Variants in ZCCHC10 observed in about 807,000 individuals in gnomAD.
ZCCHC10 encodes zinc finger CCHC-type containing 10.
A neutral mutation model predicts 19.5 loss-of-function variants in ZCCHC10; 16 were observed. The ratio of observed to expected loss-of-function variants is 0.82; its 90% CI spans 0.56 to 1.25. The LOEUF (loss-of-function observed/expected upper bound fraction) is 1.25. Ranked by LOEUF, ZCCHC10 falls within the 50% of genes most tolerant of loss-of-function variation. The probability of loss-of-function intolerance (pLI) is 0.00; values close to 1 mark genes in which losing one functional copy is unlikely to be tolerated. For missense variants in ZCCHC10, 197 were observed against 201.0 expected (o/e 0.98, Z 0.12); for synonymous variants, 67 against 72.5 (o/e 0.92, Z 0.38).
chr5:133,008,181 C>A (rs538660032), intron 2 of ZCCHC10, among the ~76,000 whole-genome samples: 1 of 143,540 alleles, frequency 7.0e-6, no homozygotes, highest in African/African-American at 2.6e-5. Flanking sequence ...GCCGAGATTG[C>A]GCCACTGCAC....
At chr5:133,005,684 C>T (rs1031464896) in intron 3 of ZCCHC10, among the ~76,000 whole-genome samples, 1 of 151,940 alleles carries the variant, frequency 6.6e-6, no homozygotes, top group African/African-American at 2.4e-5. Flanking sequence ...GGTTTTTATA[C>T]GTGAGGACAA....
chr5:133,015,836 C>T (rs1446850597), intron 2 of ZCCHC10, among the ~76,000 whole-genome samples: 1 of 152,212 alleles, frequency 6.6e-6, no homozygotes, highest in Non-Finnish European at 1.5e-5. Context: ...TAATCTGTTA[C>T]ACAGCAATTG....
At chr5:133,010,046 G>C (rs1256532062) in intron 2 of ZCCHC10, among the ~76,000 whole-genome samples, 1 of 129,344 alleles carries the variant, frequency 7.7e-6, no homozygotes, top group African/African-American at 3.2e-5. Flanking sequence ...ATTTGGGTCA[G>C]CAATTTTTTT....
chr5:132,998,653 G>C lies in ZCCHC10; in HGVS notation c.509C>G (p.Ser170Cys). Residue 170 changes from serine (S) to cysteine (C), a missense_variant, in exon 5 of 5, where the codon TCC becomes TGC. Physicochemically the swap from Ser to Cys is moderately radical, Grantham distance 112 (BLOSUM62 -1). Transcript: ENST00000509437. ...ATCTGTGCTGGTGCTACTGCTACTG[G>C]AAGAGCTGGAATCTGAGTCTGAATC... is the stretch of plus-strand genomic sequence containing the variant. ...SSDSDSDSSS[S>C]SSSSTSTDSS... The C allele has an allele frequency of 6.2e-7, 1 of 1,614,130 alleles. No homozygotes were observed. Among genetic ancestry groups the C allele is most frequent in the Non-Finnish European group, 8.5e-7 (1 of 1,180,026 alleles).
At chr5:133,020,782 G>A (rs937935391) in intron 2 of ZCCHC10, among the ~76,000 whole-genome samples, 13 of 152,122 alleles carry the variant, frequency 8.5e-5, no homozygotes, top group African/African-American at 2.2e-4. Context: ...GTGCAGTGGT[G>A]CAATATTGGC....
In ZCCHC10 at chr5:132,997,719, A is replaced by G. The variant is rs1450229891; in HGVS notation, c.*864T>C. 3.3e-5 allele frequency: 5 copies of G among 152,162 alleles called. No homozygotes were observed. In the East Asian group the frequency reaches 9.6e-4, roughly 29 times the overall value. The allele number at this position is 152,162 out of a possible 1,614,324, so 9.4% of individuals were successfully genotyped here. A position where few individuals can be genotyped will look rare whatever the true frequency, so the allele number is the denominator to read the frequency against. On this transcript the variant is annotated 3_prime_UTR_variant, in exon 5 of 5. Transcript: ENST00000509437. Reference sequence around the variant, plus strand: ...ATAAAAGGCGACCAACATTGCCCTAATTTTCAGTAAAAATTACCTCTTCTT... The same window carrying G: ...ATAAAAGGCGACCAACATTGCCCTAGTTTTCAGTAAAAATTACCTCTTCTT...
intron 2 of ZCCHC10, 94 bp downstream of exon 2, chr5:133,022,747 C>T (rs924977321): frequency 2.1e-4 from 86 of 416,704 alleles, no homozygotes; most frequent in East Asian, 8.0e-4. Flanking sequence ...CACCACGCCC[C>T]GGCCTTGTTC....
intron 3 of ZCCHC10, among the ~76,000 whole-genome samples, chr5:133,001,668 C>T (rs1464992990): frequency 6.6e-6 from 1 of 151,870 alleles, no homozygotes; most frequent in Admixed American, 6.6e-5. Context: ...TGTTGCCCAG[C>T]CTGGTCCTGA....
rs183150743 is a variant in ZCCHC10 at position 133,021,148 on chromosome 5, G to A, written c.107+1693C>T. ...TTTGACCTCGTGATCCGCCCGCCTC[G>A]GCCTCCCAAAGTGCTGGATTACAGG... On this transcript the variant is annotated intron_variant, in intron 2 of 4. Transcript: ENST00000509437. Among the ~76,000 whole-genome samples, 1,005 of 151,716 alleles carry A rather than the reference G, an allele frequency of 6.6e-3. 3 individuals are homozygous for A. Among genetic ancestry groups the A allele is most frequent in the Non-Finnish European group, 0.011 (737 of 67,916 alleles).
chr5:133,014,077 T>C (rs527759115), intron 2 of ZCCHC10, among the ~76,000 whole-genome samples: 73 of 152,214 alleles, frequency 4.8e-4, no homozygotes, highest in African/African-American at 1.7e-3. Context: ...TCCTGCATAT[T>C]TTCTGTAAAC....
At chr5:133,021,790 A>G (rs1764328574) in intron 2 of ZCCHC10, among the ~76,000 whole-genome samples, 1 of 143,726 alleles carries the variant, frequency 7.0e-6, no homozygotes, top group Admixed American at 6.9e-5. Flanking sequence ...CTACAATTTT[A>G]CTTTATAACT....
At chr5:133,008,899 G>A (rs1763311713) in intron 2 of ZCCHC10, among the ~76,000 whole-genome samples, 1 of 152,140 alleles carries the variant, frequency 6.6e-6, no homozygotes, top group Non-Finnish European at 1.5e-5. Context: ...TGTAGTCCCA[G>A]CTACTTGGGA....
chr5:133,013,364 C>T (rs934389217), intron 2 of ZCCHC10, among the ~76,000 whole-genome samples: 1 of 151,348 alleles, frequency 6.6e-6, no homozygotes, highest in African/African-American at 2.4e-5. Flanking sequence ...CCCAACAAAA[C>T]ACCACTACAC....
chr5:133,022,403 A>T (rs1483003012), intron 2 of ZCCHC10, among the ~76,000 whole-genome samples: 1 of 151,978 alleles, frequency 6.6e-6, no homozygotes, highest in East Asian at 1.9e-4. Flanking sequence ...TATGTGGTGC[A>T]TGACAATATA....
chr5:133,010,069 G>C (rs374046876), intron 2 of ZCCHC10, among the ~76,000 whole-genome samples: 1 of 79,320 alleles, frequency 1.3e-5, no homozygotes, highest in Non-Finnish European at 2.5e-5. Context: ...TTTTTTTGGA[G>C]ATGAAGTCTT....
At chr5:133,010,895 G>A (rs1053002601) in intron 2 of ZCCHC10, among the ~76,000 whole-genome samples, 4 of 151,402 alleles carry the variant, frequency 2.6e-5, no homozygotes, top group South Asian at 2.1e-4. Flanking sequence ...GGATTCAAGC[G>A]ATTCTCCTGC....
chr5:133,003,241 G>T (rs1762889018), intron 3 of ZCCHC10: 2 of 426,526 alleles, frequency 4.7e-6, no homozygotes, highest in Non-Finnish European at 4.6e-6. Context: ...GTTCAATCCA[G>T]ATGTTTGTTG....
At chr5:133,022,189 T>C (rs1402089020) in intron 2 of ZCCHC10, among the ~76,000 whole-genome samples, 2 of 152,242 alleles carry the variant, frequency 1.3e-5, no homozygotes, top group African/African-American at 4.8e-5. Context: ...AAATTTTTTC[T>C]TTCTTTATAT....
Position 132,998,606 on chromosome 5 carries a change from G to GTGGT in ZCCHC10, c.552_555dup (p.Pro186ThrfsTer25). The GTGGT allele has an allele frequency of 6.2e-7, 1 of 1,613,762 alleles. No individual in the cohort carries two copies. Among genetic ancestry groups the GTGGT allele is most frequent in the Non-Finnish European group, 8.5e-7 (1 of 1,179,978 alleles). On this transcript the variant is annotated frameshift_variant, in exon 5 of 5. Coordinates refer to ENST00000509437, the MANE Select transcript of ZCCHC10 (RefSeq NM_001300816.3). LOFTEE classifies it high-confidence loss of function. Reference sequence around the variant, plus strand: ...CTCTATTTCTTTTTCTTCTTCTTTGGTGGTTCATCGTCAGAGCTGCTATCT... The same window carrying GTGGT: ...CTCTATTTCTTTTTCTTCTTCTTTGGTGGTTGGTTCATCGTCAGAGCTGCTATCT...
Sources: gnomAD v4.1 joint callset for allele counts (sites outside exome capture counted in the v4.1 genomes callset) on GRCh38, gnomAD v4.1.1 for gene constraint, MANE v1.5 for transcripts, NCBI Gene and HGNC (gene_info 2026-07-23, HGNC 2026-07-21) for gene names.